The following OCA2 variants were observed in gnomAD, a reference collection of about 807,000 sequenced individuals.
The protein encoded by OCA2 is P protein.
Under a neutral mutation model 100.2 loss-of-function variants are expected in OCA2, and 77 were observed. The observed-to-expected ratio is 0.77, with a 90% CI of 0.64 to 0.93. The LOEUF is 0.93. Among genes scored for constraint, OCA2 ranks in the 40% least tolerant of loss-of-function variants. OCA2 has a pLI of 0.00. For missense variants in OCA2, 1,062 were observed against 1,089.1 expected (o/e 0.98, Z 0.35); for synonymous variants, 432 against 439.2 (o/e 0.98, Z 0.21).
At chr15:27,819,357 C>G (rs1489045887) in intron 23 of OCA2, among the ~76,000 whole-genome samples, 1 of 152,194 alleles carries the variant, frequency 6.6e-6, no homozygotes, top group African/African-American at 2.4e-5. Flanking sequence ...AGTCACATAA[C>G]ATGTCACAGG....
intron 19 of OCA2, among the ~76,000 whole-genome samples, chr15:27,925,742 G>A (rs1430096175): frequency 2.0e-5 from 3 of 152,122 alleles, no homozygotes; most frequent in East Asian, 1.9e-4. Context: ...AGTCTTTTCC[G>A]TGATAACGGA....
At chr15:28,079,273 C>T (rs573673011) in intron 2 of OCA2, among the ~76,000 whole-genome samples, 2 of 150,678 alleles carry the variant, frequency 1.3e-5, no homozygotes, top group Non-Finnish European at 2.9e-5. Context: ...CAAAGACTTA[C>T]GTATCTTTTC....
At chr15:27,999,484 A>C (rs1391376139) in intron 9 of OCA2, among the ~76,000 whole-genome samples, 1 of 152,254 alleles carries the variant, frequency 6.6e-6, no homozygotes, top group Non-Finnish European at 1.5e-5. Context: ...TAAAGACCAT[A>C]TATAACAAGC....
At chr15:27,758,573 T>A (rs1250889572) in intron 23 of OCA2, among the ~76,000 whole-genome samples, 1 of 152,120 alleles carries the variant, frequency 6.6e-6, no homozygotes, top group Non-Finnish European at 1.5e-5. Context: ...ACCATAAAAA[T>A]TCTTCAACAA....
intron 1 of OCA2, among the ~76,000 whole-genome samples, chr15:28,083,316 C>T (rs2044711037): frequency 6.6e-6 from 1 of 152,206 alleles, no homozygotes; most frequent in South Asian, 2.1e-4. Flanking sequence ...TATAGAAAAA[C>T]ATGACATTCG....
chr15:27,745,630 C>T, the OCA2 span, among the ~76,000 whole-genome samples: 2 of 152,232 alleles, frequency 1.3e-5, no homozygotes, highest in African/African-American at 2.4e-5. Context: ...AATGCTTTCT[C>T]TTGTGGGGGG....
chr15:27,843,964 G>C (rs1236296474), intron 23 of OCA2, among the ~76,000 whole-genome samples: 1 of 152,172 alleles, frequency 6.6e-6, no homozygotes, highest in Non-Finnish European at 1.5e-5. Flanking sequence ...AACCATCATT[G>C]TGCATACACC....
At chr15:27,989,854 T>C (rs1396003320) in intron 10 of OCA2, among the ~76,000 whole-genome samples, 188 bp from the exon 11 acceptor site, 1 of 152,240 alleles carries the variant, frequency 6.6e-6, no homozygotes, top group African/African-American at 2.4e-5. Flanking sequence ...AGGGCATCTA[T>C]AATGTCAAAT....
At chr15:27,851,933 T>C (rs566358905) in intron 21 of OCA2, among the ~76,000 whole-genome samples, 1 of 152,216 alleles carries the variant, frequency 6.6e-6, no homozygotes, top group Non-Finnish European at 1.5e-5. Flanking sequence ...TTGAAAGCAA[T>C]CCAGCCGGAA....
intron 1 of OCA2, among the ~76,000 whole-genome samples, chr15:28,086,311 C>T (rs1253039945): frequency 6.6e-6 from 1 of 152,200 alleles, no homozygotes; most frequent in Admixed American, 6.5e-5. Context: ...CAGTAATGAG[C>T]AGTAATGAGG....
At chr15:27,723,089 C>A in the OCA2 span, among the ~76,000 whole-genome samples, 1 of 151,932 alleles carries the variant, frequency 6.6e-6, no homozygotes, top group Admixed American at 6.6e-5. Context: ...GTGATCCGCC[C>A]GCCTCACCCT....
At chr15:27,931,628 G>T (rs529812384) in intron 18 of OCA2, among the ~76,000 whole-genome samples, 2 of 148,910 alleles carry the variant, frequency 1.3e-5, no homozygotes, top group South Asian at 4.4e-4. Flanking sequence ...GAGCCACCAC[G>T]CCCAGCCTGT....
chr15:27,946,688 G>C (rs916658239), intron 18 of OCA2, among the ~76,000 whole-genome samples: 14 of 152,132 alleles, frequency 9.2e-5, no homozygotes, highest in African/African-American at 3.4e-4. Context: ...AGAAGGAAAA[G>C]TTTTCTCTGC....
intron 9 of OCA2, among the ~76,000 whole-genome samples, chr15:28,014,103 G>A (rs888683367): frequency 1.6e-4 from 24 of 152,172 alleles, no homozygotes; most frequent in Admixed American, 1.2e-3. Flanking sequence ...CGCCTCTAAC[G>A]GTCACATCAT....
At chr15:27,867,961 G>A (rs1291228557) in intron 21 of OCA2, among the ~76,000 whole-genome samples, 2 of 152,172 alleles carry the variant, frequency 1.3e-5, no homozygotes, top group African/African-American at 2.4e-5. Flanking sequence ...CCTCTCCTCA[G>A]GGAGCTGCCT....
intron 18 of OCA2, among the ~76,000 whole-genome samples, chr15:27,939,278 TA>T (rs1395649920): frequency 6.6e-6 from 1 of 152,238 alleles, no homozygotes; most frequent in Non-Finnish European, 1.5e-5. Context: ...CCTCTACTTT[TA>T]AAAAATTAAT....
intron 1 of OCA2, among the ~76,000 whole-genome samples, 153 bp from the exon 2 acceptor site, chr15:28,082,048 G>C (rs1345751375): frequency 2.0e-5 from 3 of 152,214 alleles, no homozygotes; most frequent in Non-Finnish European, 1.5e-5. Flanking sequence ...ACCCTAGTGA[G>C]AAGTGAAGCC....
intron 4 of OCA2, among the ~76,000 whole-genome samples, chr15:28,027,632 G>C (rs1273188987): frequency 6.6e-6 from 1 of 152,224 alleles, no homozygotes; most frequent in East Asian, 1.9e-4. Flanking sequence ...AAGGAGAGGA[G>C]TGTACTGTGT....
chr15:27,761,886 G>A (rs1040692399), intron 23 of OCA2, among the ~76,000 whole-genome samples: 1 of 152,086 alleles, frequency 6.6e-6, no homozygotes, highest in Non-Finnish European at 1.5e-5. Context: ...GCGCATTGGC[G>A]TCATCACAGC....
Sources: gnomAD v4.1 joint callset for allele counts (sites outside exome capture counted in the v4.1 genomes callset) on GRCh38, gnomAD v4.1.1 for gene constraint, MANE v1.5 for transcripts, NCBI Gene and HGNC (gene_info 2026-07-23, HGNC 2026-07-21) for gene names.